MBP: variants seen among roughly 807,000 people sequenced by gnomAD.
MBP encodes the protein myelin basic protein.
MBP carries 16 observed loss-of-function variants against 35.8 expected under a neutral mutation model. The ratio of observed to expected loss-of-function variants is 0.45; its 90% CI spans 0.30 to 0.68. The LOEUF is 0.68. MBP is among the 30% of genes least tolerant of loss of function. The pLI is 0.08. For missense variants in MBP, 380 were observed against 404.7 expected, an observed-to-expected ratio of 0.94 and a Z score of 0.52; for synonymous variants, 143 against 159.6, an observed-to-expected ratio of 0.90 and a Z score of 0.78.
At chr18:76,980,539 T>C in intron 8 of MBP, 68 bp from the exon 9 acceptor site, 3 of 1,253,570 alleles carry the variant, frequency 2.4e-6, no homozygotes, top group South Asian at 2.4e-5. Context: ...CATCCCCTCT[T>C]CTGTGGTCCC....
At chr18:77,063,637 A>C (rs916640463) in intron 3 of MBP, among the ~76,000 whole-genome samples, 1 of 152,224 alleles carries the variant, frequency 6.6e-6, no homozygotes, top group East Asian at 1.9e-4. Flanking sequence ...AACAGGCAGA[A>C]GTATTGCTCT....
At chr18:77,026,384 G>A (rs946835954) in intron 3 of MBP, among the ~76,000 whole-genome samples, 6 of 152,180 alleles carry the variant, frequency 3.9e-5, no homozygotes, top group Admixed American at 3.9e-4. Flanking sequence ...GCATGCCATA[G>A]GAAAACATAA....
intron 3 of MBP, among the ~76,000 whole-genome samples, chr18:77,054,610 A>G (rs1268492030): frequency 6.6e-6 from 1 of 152,210 alleles, no homozygotes; most frequent in Non-Finnish European, 1.5e-5. Context: ...GGTGCTTGCT[A>G]AGTATCAGAG....
At chr18:77,072,496 T>G (rs892198898) in intron 2 of MBP, among the ~76,000 whole-genome samples, 2 of 152,242 alleles carry the variant, frequency 1.3e-5, no homozygotes, top group Admixed American at 1.3e-4. Flanking sequence ...CTGAGTTTTC[T>G]GTACCTGTTT....
chr18:77,010,177 C>G lies in MBP; in HGVS notation c.576+6655G>C. On this transcript the variant is annotated intron_variant, in intron 4 of 8. Transcript: ENST00000355994. Reference sequence around the variant, plus strand: ...ATGCGCCCTGAAGGACTCAGGAAATCGAGAGCAAAAGGAAAGTTTAGGGAA... The same window carrying G: ...ATGCGCCCTGAAGGACTCAGGAAATGGAGAGCAAAAGGAAAGTTTAGGGAA... 5.7e-6 allele frequency: 3 copies of G among 529,160 alleles called. No individual in the cohort carries two copies. In the South Asian group the frequency reaches 7.2e-5, roughly 13 times the overall value. The allele number at this position is 529,160 out of a possible 1,614,324, so 32.8% of individuals were successfully genotyped here.
chr18:77,028,655 C>G (rs1167880985), intron 3 of MBP, among the ~76,000 whole-genome samples: 1 of 65,538 alleles, frequency 1.5e-5, no homozygotes, highest in Non-Finnish European at 3.8e-5. Flanking sequence ...GACGGGGCAG[C>G]TGGCTGGGCA....
At chr18:77,110,939 C>T (rs561232302) in intron 1 of MBP, among the ~76,000 whole-genome samples, 1 of 152,282 alleles carries the variant, frequency 6.6e-6, no homozygotes, top group Non-Finnish European at 1.5e-5. Flanking sequence ...TCTGCTTTCT[C>T]TGCTTTTTAA....
chr18:77,056,000 G>T (rs903474054), intron 3 of MBP, among the ~76,000 whole-genome samples: 3 of 152,270 alleles, frequency 2.0e-5, no homozygotes, highest in Non-Finnish European at 4.4e-5. Flanking sequence ...CATCCCTGTG[G>T]CTCTGTGGTG....
At chr18:77,077,302 C>T (rs1457329007) in intron 2 of MBP, among the ~76,000 whole-genome samples, 1 of 137,682 alleles carries the variant, frequency 7.3e-6, no homozygotes, top group African/African-American at 2.7e-5. Context: ...GCGGAGGTTG[C>T]AGTGAGCACT....
chr18:77,120,037 A>G (rs1054304420), intron 1 of MBP, among the ~76,000 whole-genome samples: 3 of 152,116 alleles, frequency 2.0e-5, no homozygotes, highest in Admixed American at 6.6e-5. Flanking sequence ...ACAGACCCCA[A>G]TGTCTCCAGA....
chr18:77,099,036 C>T (rs554516676), intron 2 of MBP, among the ~76,000 whole-genome samples: 32 of 151,678 alleles, frequency 2.1e-4, no homozygotes, highest in South Asian at 1.3e-3. Context: ...TCATCTTTAT[C>T]GACCCCAACT....
intron 3 of MBP, among the ~76,000 whole-genome samples, chr18:77,036,880 C>T (rs1346462613): frequency 4.6e-5 from 5 of 108,956 alleles, no homozygotes; most frequent in Admixed American, 9.6e-5. Flanking sequence ...GTGCTGGTCA[C>T]GTTTTGGAGA....
chr18:76,987,846 T>C, intron 7 of MBP: 1 of 1,037,580 alleles, frequency 9.6e-7, no homozygotes, highest in Non-Finnish European at 1.2e-6. Context: ...CACCAAATTT[T>C]TTCACTAGAA....
chr18:77,012,755 C>A (rs1971424984), intron 4 of MBP: 1 of 984,434 alleles, frequency 1.0e-6, no homozygotes. Context: ...CCAAAAACGA[C>A]AAATTAAAGA....
intron 4 of MBP, among the ~76,000 whole-genome samples, chr18:77,002,277 A>T (rs1039361271): frequency 1.3e-5 from 2 of 152,184 alleles, no homozygotes; most frequent in Non-Finnish European, 2.9e-5. Flanking sequence ...AGATGCACCC[A>T]TCAGCACTCG....
Position 76,989,875 on chromosome 18 carries a change from C to T in MBP, c.681+81G>A, listed in dbSNP as rs1969793981. 6 of 1,261,548 alleles carry T rather than the reference C, an allele frequency of 4.8e-6. No homozygotes were observed. In the Admixed American group the frequency reaches 5.1e-5, roughly 11 times the overall value. 78.1% of individuals were successfully genotyped at this position (1,261,548 alleles called of 1,614,324 possible). ...CCGGTGCCACCCCCGAGCGTACGAA[C>T]GTCCTGTGTGGATGACAGCAGTGGC... On this transcript the variant is annotated intron_variant, in intron 5 of 8. Transcript: ENST00000355994. This position sits in a 1 kb window ranked among gnomAD's most constrained non-coding sequence, Gnocchi z 4.0.
intron 3 of MBP, chr18:77,017,676 A>G (rs1209023030): frequency 1.2e-5 from 2 of 163,978 alleles, no homozygotes; most frequent in Admixed American, 6.4e-5. Context: ...ATATGCAAGG[A>G]GCATTTATTT....
chr18:76,979,876 G>A lies in MBP; in HGVS notation c.*551C>T. On this transcript the variant is annotated 3_prime_UTR_variant, in exon 9 of 9. Transcript: ENST00000355994. Reference sequence around the variant, plus strand: ...CCAGCCCGCATGTCACATACCAAAAGCTCCCACATGTAGTAAGCCACTCCT... The same window carrying A: ...CCAGCCCGCATGTCACATACCAAAAACTCCCACATGTAGTAAGCCACTCCT... 3 of 686,500 alleles carry A rather than the reference G, an allele frequency of 4.4e-6. No homozygotes were observed. Among genetic ancestry groups the A allele is most frequent in the Non-Finnish European group, 5.3e-6 (2 of 378,056 alleles). 42.5% of individuals were successfully genotyped at this position (686,500 alleles called of 1,614,324 possible). A position where few individuals can be genotyped will look rare whatever the true frequency, so the allele number is the denominator to read the frequency against.
intron 1 of MBP, among the ~76,000 whole-genome samples, chr18:77,129,331 C>A (rs1977163169): frequency 6.6e-6 from 1 of 152,256 alleles, no homozygotes; most frequent in South Asian, 2.1e-4. Context: ...AGCTTTGGAA[C>A]ATGCACTCGT....
Sources: allele counts gnomAD v4.1 joint callset (sites outside exome capture counted in the v4.1 genomes callset), GRCh38; gene constraint gnomAD v4.1.1; non-coding constraint Gnocchi (gnomAD v3.1); transcripts MANE v1.5; gene names NCBI Gene and HGNC (gene_info 2026-07-23, HGNC 2026-07-21).